The following CPEB1 variants were observed in gnomAD, a reference collection of about 807,000 sequenced individuals.
The protein encoded by CPEB1 is cytoplasmic polyadenylation element binding protein 1.
A neutral mutation model predicts 65.8 loss-of-function variants in CPEB1; 7 were observed. That is an observed-to-expected ratio of 0.11 (90% CI 0.06 to 0.20). CPEB1 has a LOEUF of 0.20. Among genes scored for constraint, CPEB1 ranks in the 10% least tolerant of loss-of-function variants. The probability of loss-of-function intolerance (pLI) is 1.00; values close to 1 mark genes in which losing one functional copy is unlikely to be tolerated. For missense variants in CPEB1, 551 were observed against 712.2 expected (o/e 0.77, Z 2.58); for synonymous variants, 262 against 260.0 (o/e 1.01, Z -0.08).
At position 82,628,114 on chromosome 15, in the gene CPEB1, C is replaced by A; in HGVS notation, c.96+250G>T. On this transcript the variant is annotated intron_variant, in intron 2 of 12. Coordinates refer to ENST00000684509, the MANE Select transcript of CPEB1 (RefSeq NM_001365242.1). ...AAGAGAACCCCAATAGAGAGAAGGTCATGAAAGTCTAGAAGAATTACACCA... is the reference window on the plus strand; with the variant it reads ...AAGAGAACCCCAATAGAGAGAAGGTAATGAAAGTCTAGAAGAATTACACCA... 4.4e-6 allele frequency: 3 copies of A among 677,122 alleles called. No individual in the cohort carries two copies. In the South Asian group the frequency reaches 4.8e-5, roughly 11 times the overall value. The allele number at this position is 677,122 out of a possible 1,614,324, so 41.9% of individuals were successfully genotyped here. A position where few individuals can be genotyped will look rare whatever the true frequency, so the allele number is the denominator to read the frequency against.
At chr15:82,558,016 CCT>C (rs1194502165) in intron 4 of CPEB1, 30 bp from the exon 5 acceptor site, 9 of 1,474,778 alleles carry the variant, frequency 6.1e-6, no homozygotes, top group East Asian at 2.3e-5. Flanking sequence ...AACCTCATGA[CCT>C]CTTAGTTTTC....
chr15:82,615,747 G>A (rs1192961029), intron 3 of CPEB1, among the ~76,000 whole-genome samples: 1 of 152,060 alleles, frequency 6.6e-6, no homozygotes, highest in Non-Finnish European at 1.5e-5. Flanking sequence ...AATCCTAGCA[G>A]GATTATAAAC....
chr15:82,607,968 CTT>C (rs2043783031), intron 3 of CPEB1, among the ~76,000 whole-genome samples: 1 of 152,202 alleles, frequency 6.6e-6, no homozygotes, highest in South Asian at 2.1e-4. Flanking sequence ...GTTTCCCAGT[CTT>C]TGACAAGGGG....
At chr15:82,642,049 T>C (rs1009980432) in intron 1 of CPEB1, among the ~76,000 whole-genome samples, 1 of 152,220 alleles carries the variant, frequency 6.6e-6, no homozygotes, top group Admixed American at 6.5e-5. Flanking sequence ...ACATCATACA[T>C]GTTTTAGTTC....
intron 1 of CPEB1, chr15:82,629,812 G>C (rs944030694): frequency 4.1e-6 from 4 of 985,260 alleles, no homozygotes; most frequent in Non-Finnish European, 4.8e-6. Flanking sequence ...TAAAATCCAA[G>C]TGAGCATGAG....
At chr15:82,560,079 GA>G (rs892528276) in intron 4 of CPEB1, among the ~76,000 whole-genome samples, 2 of 149,858 alleles carry the variant, frequency 1.3e-5, no homozygotes, top group Admixed American at 6.7e-5. Context: ...GCAAGACTCT[GA>G]AAAAAAAAAG....
Position 82,557,844 on chromosome 15 carries a change from G to A in CPEB1, c.603C>T (p.Pro201=). The A allele has an allele frequency of 6.2e-7, 1 of 1,614,176 alleles. No homozygotes were observed. Among genetic ancestry groups the A allele is most frequent in the Non-Finnish European group, 8.5e-7 (1 of 1,180,026 alleles). Residue 201 remains proline, a synonymous_variant, in exon 5 of 13, where the codon CCC becomes CCT. Transcript: ENST00000684509. The stretch of plus-strand genomic sequence containing the variant: ...GGCTGCTAGATCGAGAGTCCAGGAT[G>A]GGCCGGGTGTCCAGGCGTGATCCTC... ...SVRGSRLDTR[P]ILDSRSSSPS... is the part of the protein sequence containing the mutation.
intron 4 of CPEB1, among the ~76,000 whole-genome samples, chr15:82,567,801 T>C (rs529201695): frequency 6.6e-6 from 1 of 152,258 alleles, no homozygotes; most frequent in East Asian, 1.9e-4. Flanking sequence ...AGAGTCCTTG[T>C]TTCCAGGTCC....
At chr15:82,548,221 G>A (rs1382028972) in intron 10 of CPEB1, among the ~76,000 whole-genome samples, 2 of 151,950 alleles carry the variant, frequency 1.3e-5, no homozygotes, top group African/African-American at 4.8e-5. Flanking sequence ...TGTAGTCCCA[G>A]CTACTCAGGA....
rs1163808161 is a variant in CPEB1 at position 82,571,458 on chromosome 15, G to A, written c.346C>T (p.Leu116Phe). 1 of 1,614,156 alleles carries A rather than the reference G, an allele frequency of 6.2e-7. No individual in the cohort carries two copies. The highest frequency in any genetic ancestry group is 1.7e-5 in the Admixed American group (1 of 60,022). The change falls in exon 4 of 13, where the codon CTC becomes TTC. Residue 116 changes from leucine (L) to phenylalanine (F), a missense_variant. By Grantham distance (22) the Leu-to-Phe change is conservative. Coordinates refer to ENST00000684509, the MANE Select transcript of CPEB1 (RefSeq NM_001365242.1). ...AGGCACAAGTCATTTGCATCTGGGA[G>A]GCCACGGGAAGATTCTTGCGCAGAG... is the stretch of plus-strand genomic sequence containing the variant. ...PTSAQESSRG[L>F]PDANDLCLGL...
intron 3 of CPEB1, among the ~76,000 whole-genome samples, chr15:82,586,376 C>T (rs1160703878): frequency 6.6e-6 from 1 of 152,000 alleles, no homozygotes; most frequent in Non-Finnish European, 1.5e-5. Flanking sequence ...AAGAGAAATA[C>T]CCTAAAAGAA....
At chr15:82,629,817 C>T in intron 1 of CPEB1, 3 of 985,460 alleles carry the variant, frequency 3.0e-6, no homozygotes, top group Non-Finnish European at 3.6e-6. Flanking sequence ...TCCAAGTGAG[C>T]ATGAGAATGA....
rs1464768526 is a variant in CPEB1, at chr15:82,628,391, T to TAC, written c.68_69insGT (p.Ser24TyrfsTer7). 8.5e-6 allele frequency: 6 copies of TAC among 702,822 alleles called. No individual in the cohort carries two copies. The Admixed American group carries it at 1.2e-4, about 14-fold the overall frequency. The allele number at this position is 702,822 out of a possible 1,614,324, so 43.5% of individuals were successfully genotyped here. A position where few individuals can be genotyped will look rare whatever the true frequency, so the allele number is the denominator to read the frequency against. ...GAGGAATTAGCAGAAGACAATCTGA[T>TAC]AGAGATGAGTGCTCCAAACCAGTGC... On this transcript the variant is annotated frameshift_variant, in exon 2 of 13. Coordinates refer to ENST00000684509, the MANE Select transcript of CPEB1 (RefSeq NM_001365242.1). LOFTEE classifies it high-confidence loss of function.
intron 4 of CPEB1, among the ~76,000 whole-genome samples, chr15:82,564,066 G>A (rs991851053): frequency 6.6e-6 from 1 of 152,132 alleles, no homozygotes; most frequent in Admixed American, 6.6e-5. Context: ...GCCCACATGT[G>A]TAAAAAGTTG....
At chr15:82,582,390 A>C (rs1450165377) in intron 3 of CPEB1, among the ~76,000 whole-genome samples, 1 of 152,230 alleles carries the variant, frequency 6.6e-6, no homozygotes, top group Non-Finnish European at 1.5e-5. Flanking sequence ...ACCAGCTAAG[A>C]AAGTCAGCCA....
At chr15:82,602,571 C>A (rs995917885) in intron 3 of CPEB1, among the ~76,000 whole-genome samples, 1 of 152,030 alleles carries the variant, frequency 6.6e-6, no homozygotes, top group East Asian at 1.9e-4. Flanking sequence ...ATCGGCCGGG[C>A]GCGGTGGCTC....
At chr15:82,564,524 A>C (rs1021607689) in intron 4 of CPEB1, among the ~76,000 whole-genome samples, 1 of 151,910 alleles carries the variant, frequency 6.6e-6, no homozygotes, top group Non-Finnish European at 1.5e-5. Flanking sequence ...TGATCTCCTG[A>C]CCTTGTGATC....
At chr15:82,552,317 G>A (rs186215348) in intron 9 of CPEB1, among the ~76,000 whole-genome samples, 163 bp downstream of exon 9, 93 of 146,128 alleles carry the variant, frequency 6.4e-4, no homozygotes, top group African/African-American at 2.2e-3. Flanking sequence ...TTTTTTTAAT[G>A]TAATTGAGAG....
At chr15:82,640,991 G>A (rs1019774585) in intron 1 of CPEB1, 5 of 152,118 alleles carry the variant, frequency 3.3e-5, no homozygotes, top group Non-Finnish European at 7.4e-5. Flanking sequence ...AGGTAAGAGT[G>A]TATGAATTTT....
Sources: allele counts gnomAD v4.1 joint callset (sites outside exome capture counted in the v4.1 genomes callset), GRCh38; gene constraint gnomAD v4.1.1; transcripts MANE v1.5; gene names NCBI Gene and HGNC (gene_info 2026-07-23, HGNC 2026-07-21).